The following HRH1 variants were observed in gnomAD, a reference collection of about 807,000 sequenced individuals.
HRH1 encodes histamine receptor H1.
Under a neutral mutation model 10.3 loss-of-function variants are expected in HRH1, and 6 were observed. The ratio of observed to expected loss-of-function variants is 0.58; its 90% confidence interval spans 0.32 to 1.15. The LOEUF is 1.15. Ranked by LOEUF, HRH1 falls within the 50% of genes most tolerant of loss-of-function variation. The pLI, the probability that HRH1 is intolerant of heterozygous loss-of-function variation, is 0.05. For missense variants in HRH1, 514 were observed against 615.3 expected (o/e 0.84, Z 1.74); for synonymous variants, 242 against 236.7 (o/e 1.02, Z -0.21).
At position 11,214,547 on chromosome 3, in the gene HRH1, C is replaced by T. The variant is rs540883729; in HGVS notation, c.-35-44456C>T. Among the ~76,000 whole-genome samples, 146 of 152,244 alleles carry T rather than the reference C, an allele frequency of 9.6e-4. 1 individual carries two copies. The highest frequency in any genetic ancestry group is 3.2e-3 in the African/African-American group (135 of 41,554). ...TCAGGGGAAACTAAGAAGGATGATGCGAGGGAGAAAGACTGAATGGTGAGC... is the reference window on the plus strand; with the variant it reads ...TCAGGGGAAACTAAGAAGGATGATGTGAGGGAGAAAGACTGAATGGTGAGC... On this transcript the variant is annotated intron_variant, in intron 1 of 1. Coordinates refer to ENST00000431010, the MANE Select transcript of HRH1 (RefSeq NM_001098212.2).
At chr3:11,187,509 G>C (rs774594260) in intron 1 of HRH1, among the ~76,000 whole-genome samples, 2 of 152,050 alleles carry the variant, frequency 1.3e-5, no homozygotes, top group Non-Finnish European at 2.9e-5. Context: ...GTAAAATGGG[G>C]GCAAAACCTA....
intron 1 of HRH1, among the ~76,000 whole-genome samples, chr3:11,170,755 A>C (rs2125012647): frequency 6.6e-6 from 1 of 152,350 alleles, no homozygotes; most frequent in Admixed American, 6.5e-5. Context: ...CTGGAGGATG[A>C]GGTATGCCAG....
At position 11,234,498 on chromosome 3, in the gene HRH1, C is replaced by T. The variant is rs560747227; in HGVS notation, c.-35-24505C>T. The T allele has an allele frequency of 2.2e-5, 32 of 1,471,922 alleles. No homozygotes were observed. In the East Asian group the frequency reaches 3.6e-4, roughly 17 times the overall value. 91.2% of individuals were successfully genotyped at this position (1,471,922 alleles called of 1,614,324 possible). Reference sequence around the variant, plus strand: ...GACTTGAACTGTTCCCCACAGGGGCCGCTGGCCATTCCCCCAAGGCATGGA... The same window carrying T: ...GACTTGAACTGTTCCCCACAGGGGCTGCTGGCCATTCCCCCAAGGCATGGA... On this transcript the variant is annotated intron_variant, in intron 1 of 1. Coordinates refer to ENST00000431010, the MANE Select transcript of HRH1 (RefSeq NM_001098212.2).
chr3:11,242,480 C>CAAAAAAAAAAAAAAAAAAAA (rs35809891), intron 1 of HRH1, among the ~76,000 whole-genome samples: 1 of 50,362 alleles, frequency 2.0e-5, no homozygotes, highest in African/African-American at 7.1e-5. Context: ...GACTCCGTCT[C>CAAAAAAAAAAAAAAAAAAAA]AAAAAAAAAA....
At chr3:11,148,162 G>C (rs1399751382) in intron 1 of HRH1, among the ~76,000 whole-genome samples, 32 of 146,298 alleles carry the variant, frequency 2.2e-4, no homozygotes, top group African/African-American at 7.9e-4. Flanking sequence ...CCTAGCAACA[G>C]AGTGAGACTC....
At chr3:11,209,778 G>A (rs1046982651) in intron 1 of HRH1, among the ~76,000 whole-genome samples, 1 of 152,186 alleles carries the variant, frequency 6.6e-6, no homozygotes, top group African/African-American at 2.4e-5. Context: ...CATTATTTTG[G>A]TGAATTAGTA....
At chr3:11,216,295 A>G (rs1938491264) in intron 1 of HRH1, among the ~76,000 whole-genome samples, 1 of 152,240 alleles carries the variant, frequency 6.6e-6, no homozygotes, top group Non-Finnish European at 1.5e-5. Context: ...AATTGAAAGC[A>G]GGGTCTTGAA....
chr3:11,158,728 T>C (rs892875250), intron 1 of HRH1, among the ~76,000 whole-genome samples: 2 of 152,220 alleles, frequency 1.3e-5, no homozygotes, highest in Non-Finnish European at 2.9e-5. Context: ...GTTCTGTTGG[T>C]TACTTGTTGG....
At chr3:11,192,022 C>A (rs1036759278) in intron 1 of HRH1, among the ~76,000 whole-genome samples, 32 of 152,166 alleles carry the variant, frequency 2.1e-4, no homozygotes, top group African/African-American at 7.5e-4. Context: ...TGGTTTGAGC[C>A]CCCTGTCCCC....
At chr3:11,180,972 C>CACAG (rs1937341200) in intron 1 of HRH1, among the ~76,000 whole-genome samples, 1 of 150,734 alleles carries the variant, frequency 6.6e-6, no homozygotes, top group Admixed American at 6.6e-5. Context: ...CACACACACA[C>CACAG]ACACACACAC....
At chr3:11,233,610 G>C (rs1173295458) in intron 1 of HRH1, among the ~76,000 whole-genome samples, 1 of 152,164 alleles carries the variant, frequency 6.6e-6, no homozygotes, top group East Asian at 1.9e-4. Context: ...GAACAGCCAA[G>C]CCAGCCTCTC....
At chr3:11,252,429 C>T (rs996543465) in intron 1 of HRH1, among the ~76,000 whole-genome samples, 1 of 152,106 alleles carries the variant, frequency 6.6e-6, no homozygotes, top group Admixed American at 6.5e-5. Flanking sequence ...GACATATGCA[C>T]GAGGGCAGGG....
chr3:11,259,919 T>C lies in HRH1; in HGVS notation c.882T>C (p.Asp294=). ...KSPVVFSQED[D]REVDKLYCFP... ...CAGTTGTCTTCAGCCAAGAGGATGA[T>C]AGAGAAGTAGACAAACTCTACTGCT... Residue 294 remains aspartate, a synonymous_variant, in exon 2 of 2, where the codon GAT becomes GAC. Coordinates refer to ENST00000431010, the MANE Select transcript of HRH1 (RefSeq NM_001098212.2). This position sits in a 1 kb window ranked among gnomAD's most constrained non-coding sequence, Gnocchi z 4.6. 6.2e-7 allele frequency: 1 copy of C among 1,614,112 alleles called. No individual in the cohort carries two copies. Among genetic ancestry groups the C allele is most frequent in the African/African-American group, 1.3e-5 (1 of 75,028 alleles).
At chr3:11,223,933 A>G (rs1938796621) in intron 1 of HRH1, among the ~76,000 whole-genome samples, 1 of 152,180 alleles carries the variant, frequency 6.6e-6, no homozygotes, top group Non-Finnish European at 1.5e-5. Context: ...CCTTCTCTCC[A>G]GGATGACTCT....
At chr3:11,220,405 G>A (rs1032755787) in intron 1 of HRH1, among the ~76,000 whole-genome samples, 1 of 152,204 alleles carries the variant, frequency 6.6e-6, no homozygotes, top group South Asian at 2.1e-4. Flanking sequence ...CTGCTGAGGT[G>A]CAGTGTCCTG....
intron 1 of HRH1, among the ~76,000 whole-genome samples, chr3:11,238,331 T>C (rs346083): frequency 0.67 from 101,694 of 152,108 alleles, 34,251 homozygotes; most frequent in East Asian, 0.71. Flanking sequence ...TCACAAGAAA[T>C]CATGATATCT....
At position 11,216,106 on chromosome 3, in the gene HRH1, C is replaced by T. The variant is rs80069429; in HGVS notation, c.-35-42897C>T. 1.1e-3 allele frequency among the ~76,000 whole-genome samples: 167 copies of T among 152,024 alleles called. No homozygotes were observed. The East Asian group carries it at 0.025, about 23-fold the overall frequency. On this transcript the variant is annotated intron_variant, in intron 1 of 1. Transcript: ENST00000431010. ...CCTTTTGGATCCCAATATGGTTAGT[C>T]GAGGGCCCTGAACACTCCCTGAATG... is the stretch of plus-strand genomic sequence containing the variant.
At chr3:11,205,050 A>G (rs188995677) in intron 1 of HRH1, among the ~76,000 whole-genome samples, 45 of 152,228 alleles carry the variant, frequency 3.0e-4, no homozygotes, top group Non-Finnish European at 6.0e-4. Context: ...TTAAGATGCA[A>G]ATTTGCACAG....
chr3:11,210,571 C>T (rs1313320454), intron 1 of HRH1, among the ~76,000 whole-genome samples: 1 of 152,138 alleles, frequency 6.6e-6, no homozygotes, highest in Non-Finnish European at 1.5e-5. Flanking sequence ...GCAGGCGGAT[C>T]ATTTGAGCCC....
Sources: gnomAD v4.1 joint callset for allele counts (sites outside exome capture counted in the v4.1 genomes callset) on GRCh38, gnomAD v4.1.1 for gene constraint, Gnocchi (gnomAD v3.1) non-coding constraint, MANE v1.5 for transcripts, NCBI Gene and HGNC (gene_info 2026-07-23, HGNC 2026-07-21) for gene names.